The following STT3B variants were observed in gnomAD, a reference collection of about 807,000 sequenced individuals.
The protein encoded by STT3B is STT3 oligosaccharyltransferase complex catalytic subunit B, also known as dolichyl-diphosphooligosaccharide--protein glycosyltransferase subunit STT3B.
Under a neutral mutation model 96.8 loss-of-function variants are expected in STT3B, and 29 were observed. The ratio of observed to expected loss-of-function variants is 0.30; its 90% CI spans 0.22 to 0.41. The LOEUF is 0.41. Among genes scored for constraint, STT3B ranks in the 10% least tolerant of loss-of-function variants. The pLI, the probability that STT3B is intolerant of heterozygous loss-of-function variation, is 1.00. For missense variants in STT3B, 640 were observed against 1,022.3 expected, an observed-to-expected ratio of 0.63 and a Z score of 5.10; for synonymous variants, 367 against 360.0, an observed-to-expected ratio of 1.02 and a Z score of -0.22.
rs1697589715 is a variant in STT3B at position 31,552,644 on chromosome 3, T to C, written c.314+19332T>C. On this transcript the variant is annotated intron_variant, in intron 1 of 15. Coordinates refer to ENST00000295770, the MANE Select transcript of STT3B (RefSeq NM_178862.3). ...GTGTTCTTTCCTCTCTCAAGAACAC[T>C]TCTCCTCTTTTCCTGCCTTTTTGCT... Among the ~76,000 whole-genome samples, 3 of 152,218 alleles carry C rather than the reference T, an allele frequency of 2.0e-5. No individual in the cohort carries two copies. The South Asian group carries it at 6.2e-4, about 31-fold the overall frequency.
In STT3B at chr3:31,533,013, G is replaced by T; in HGVS notation, c.15G>T (p.Ser5=). ...CGGGGCACAACATGGCGGAGCCCTC[G>T]GCCCCGGAGAGCAAGCACAAGTCGT... MAEP[S]APESKHKSSL... Residue 5 remains serine (S), a synonymous_variant, in exon 1 of 16, where the codon TCG becomes TCT. Coordinates refer to ENST00000295770, the MANE Select transcript of STT3B (RefSeq NM_178862.3). The T allele has an allele frequency of 6.3e-7, 1 of 1,589,116 alleles. No individual in the cohort carries two copies. Among genetic ancestry groups the T allele is most frequent in the South Asian group, 1.1e-5 (1 of 89,924 alleles).
chr3:31,559,146 G>GGGGGGTGTGTGT (rs949401027), intron 1 of STT3B, among the ~76,000 whole-genome samples: 2 of 116,532 alleles, frequency 1.7e-5, no homozygotes, highest in African/African-American at 6.4e-5. Flanking sequence ...TGATTCTTGG[G>GGGGGGTGTGTGT]GTGTGTGTGT....
chr3:31,543,128 A>G (rs985181620), intron 1 of STT3B, among the ~76,000 whole-genome samples: 2 of 151,960 alleles, frequency 1.3e-5, no homozygotes, highest in African/African-American at 4.8e-5. Context: ...AGAAATCACA[A>G]TTGATCATCT....
At chr3:31,572,414 A>G (rs1445145278) in intron 1 of STT3B, among the ~76,000 whole-genome samples, 1 of 151,852 alleles carries the variant, frequency 6.6e-6, no homozygotes. Flanking sequence ...TTTGTGAACC[A>G]AAACAAAATA....
At chr3:31,556,822 C>T (rs1037178937) in intron 1 of STT3B, among the ~76,000 whole-genome samples, 4 of 152,158 alleles carry the variant, frequency 2.6e-5, no homozygotes, top group Non-Finnish European at 5.9e-5. Context: ...ACAGTATATT[C>T]TGTCTTTCAG....
intron 1 of STT3B, among the ~76,000 whole-genome samples, chr3:31,552,739 C>T (rs1245609404): frequency 6.6e-6 from 1 of 152,128 alleles, no homozygotes; most frequent in African/African-American, 2.4e-5. Context: ...GGACAGTAAG[C>T]TTTGTGAGGA....
intron 14 of STT3B, among the ~76,000 whole-genome samples, chr3:31,631,404 T>C (rs932625632): frequency 1.3e-5 from 2 of 152,204 alleles, no homozygotes; most frequent in African/African-American, 4.8e-5. Flanking sequence ...AGAAAACATA[T>C]TTTCTGATTG....
intron 1 of STT3B, among the ~76,000 whole-genome samples, chr3:31,542,509 C>T (rs1697303314): frequency 6.6e-6 from 1 of 152,156 alleles, no homozygotes; most frequent in Admixed American, 6.5e-5. Flanking sequence ...GACTGTCTTT[C>T]TTCAAACTCT....
In STT3B at chr3:31,622,058, T is replaced by C. The variant is rs1332254635; in HGVS notation, c.1328-39T>C. 6 of 1,569,880 alleles carry C rather than the reference T, an allele frequency of 3.8e-6. No individual in the cohort carries two copies. In the East Asian group the frequency reaches 1.3e-4, roughly 35 times the overall value. ...ATCTAGTTCAGTTTCCTGGGAACTT[T>C]TTCCCTCCAACATATTGTAAGAGAA... On this transcript the variant is annotated intron_variant, in intron 9 of 15. Coordinates refer to ENST00000295770, the MANE Select transcript of STT3B (RefSeq NM_178862.3).
intron 5 of STT3B, among the ~76,000 whole-genome samples, chr3:31,601,637 G>C (rs1246680297): frequency 6.6e-6 from 1 of 152,092 alleles, no homozygotes; most frequent in East Asian, 1.9e-4. Context: ...TGTGACTGTT[G>C]AATGGATATG....
intron 3 of STT3B, among the ~76,000 whole-genome samples, chr3:31,593,933 C>A (rs182207653): frequency 1.3e-5 from 2 of 152,242 alleles, no homozygotes; most frequent in African/African-American, 4.8e-5. Context: ...CCAGCCTATA[C>A]CTGTCCAAAT....
At chr3:31,599,052 G>A (rs1039282116) in intron 4 of STT3B, among the ~76,000 whole-genome samples, 3 of 151,978 alleles carry the variant, frequency 2.0e-5, no homozygotes, top group Admixed American at 6.6e-5. Context: ...CAGGTGATCC[G>A]CCTGCCTCGG....
At chr3:31,596,716 G>C (rs1399793922) in intron 3 of STT3B, 82 bp from the exon 4 acceptor site, 4 of 1,060,598 alleles carry the variant, frequency 3.8e-6, no homozygotes, top group East Asian at 4.8e-5. Flanking sequence ...TGTAGCCTGT[G>C]GTTACCAAAC....
At chr3:31,559,618 T>A (rs1697819733) in intron 1 of STT3B, among the ~76,000 whole-genome samples, 1 of 152,072 alleles carries the variant, frequency 6.6e-6, no homozygotes, top group Non-Finnish European at 1.5e-5. Context: ...TGTTCTATTG[T>A]ATGGTCTATC....
chr3:31,543,399 A>ATT (rs1697327805), intron 1 of STT3B, among the ~76,000 whole-genome samples: 1 of 152,202 alleles, frequency 6.6e-6, no homozygotes, highest in Non-Finnish European at 1.5e-5. Flanking sequence ...GTAGGGAGGC[A>ATT]AAAGATTCTT....
At chr3:31,577,387 T>TAC (rs1698287563) in intron 2 of STT3B, among the ~76,000 whole-genome samples, 2 of 152,142 alleles carry the variant, frequency 1.3e-5, no homozygotes, top group Non-Finnish European at 2.9e-5. Flanking sequence ...AGTATTTTCA[T>TAC]TATCATTTAA....
chr3:31,568,392 G>A (rs932334177), intron 1 of STT3B, among the ~76,000 whole-genome samples: 8 of 152,098 alleles, frequency 5.3e-5, no homozygotes, highest in African/African-American at 1.9e-4. Context: ...TGGGATTGCT[G>A]GATTATATGG....
chr3:31,587,295 C>G (rs1474822182), intron 3 of STT3B, among the ~76,000 whole-genome samples: 1 of 152,074 alleles, frequency 6.6e-6, no homozygotes, highest in East Asian at 1.9e-4. Flanking sequence ...CAGTGACTTT[C>G]CATTTTCACA....
intron 1 of STT3B, among the ~76,000 whole-genome samples, chr3:31,571,221 G>A (rs1040798608): frequency 9.9e-5 from 15 of 151,384 alleles, no homozygotes; most frequent in African/African-American, 3.4e-4. Flanking sequence ...TTATTAAGTG[G>A]ATTTTAAGGG....
Sources: gnomAD v4.1 joint callset for allele counts (sites outside exome capture counted in the v4.1 genomes callset) on GRCh38, gnomAD v4.1.1 for gene constraint, MANE v1.5 for transcripts, NCBI Gene and HGNC (gene_info 2026-07-23, HGNC 2026-07-21) for gene names.